The following GPBP1L1 variants were observed in gnomAD, a reference collection of about 807,000 sequenced individuals.
The protein encoded by GPBP1L1 is vasculin-like protein 1.
Under a neutral mutation model 52.5 loss-of-function variants are expected in GPBP1L1, and 23 were observed. The ratio of observed to expected loss-of-function variants is 0.44; its 90% CI spans 0.32 to 0.62. The LOEUF (loss-of-function observed/expected upper bound fraction) is 0.62. Ranked by LOEUF, GPBP1L1 falls within the 20% of genes least tolerant of loss-of-function variation. The pLI is 0.06. For synonymous variants in GPBP1L1, 243 were observed against 203.1 expected (o/e 1.20, Z -1.67); for missense variants, 596 against 579.3 (o/e 1.03, Z -0.30).
At chr1:45,683,042 T>C (rs1425792174) in intron 2 of GPBP1L1, among the ~76,000 whole-genome samples, 1 of 147,306 alleles carries the variant, frequency 6.8e-6, no homozygotes, top group African/African-American at 2.5e-5. Flanking sequence ...ACACCAAAAT[T>C]TGCCTTTCCC....
intron 11 of GPBP1L1, 59 bp downstream of exon 11, chr1:45,630,423 T>TA: frequency 4.4e-6 from 7 of 1,576,306 alleles, no homozygotes; most frequent in Non-Finnish European, 6.1e-6. Context: ...TCTTCTCCAG[T>TA]ATGTTCAAGG....
In GPBP1L1 at chr1:45,628,148, G is replaced by T; in HGVS notation, c.*108C>A. On this transcript the variant is annotated 3_prime_UTR_variant, in exon 13 of 13. Coordinates refer to ENST00000355105, the MANE Select transcript of GPBP1L1 (RefSeq NM_021639.5). ...TTTGGGATATGATTATTTCCCTTGT[G>T]AATGAAGTATTCAACAACATAAGAA... 1 of 1,043,490 alleles carries T rather than the reference G, an allele frequency of 9.6e-7. No individual in the cohort carries two copies. The highest frequency in any genetic ancestry group is 1.4e-6 in the Non-Finnish European group (1 of 705,436). 64.6% of individuals were successfully genotyped at this position (1,043,490 alleles called of 1,614,324 possible).
In GPBP1L1 at chr1:45,628,278, G is replaced by C; in HGVS notation, c.1403C>G (p.Ser468Ter). 1.2e-6 allele frequency: 2 copies of C among 1,614,078 alleles called. No homozygotes were observed. The highest frequency in any genetic ancestry group is 1.7e-6 in the Non-Finnish European group (2 of 1,180,010). ...SDTETSSSET[S>*]DDDAWK is the part of the protein sequence containing the mutation. ...TGCCTACTTCCAGGCATCGTCATCT[G>C]ATGTTTCACTGCTACTGGTTTCGGT... The change falls in exon 13 of 13, where the codon TCA becomes TGA. Residue 468 changes from serine (S) to a stop codon, truncating the protein, a stop_gained. Transcript: ENST00000355105. LOFTEE classifies it high-confidence loss of function.
At chr1:45,662,950 C>T (rs961185980) in intron 2 of GPBP1L1, among the ~76,000 whole-genome samples, 3 of 149,104 alleles carry the variant, frequency 2.0e-5, no homozygotes, top group Non-Finnish European at 4.4e-5. Context: ...ACTCAGGAGG[C>T]TGAGGCAAGA....
At chr1:45,652,539 T>C (rs915613089) in intron 6 of GPBP1L1, among the ~76,000 whole-genome samples, 4 of 152,202 alleles carry the variant, frequency 2.6e-5, no homozygotes, top group East Asian at 1.9e-4. Context: ...TCAAAACTAT[T>C]GGGGATTCAA....
At position 45,655,246 on chromosome 1, in the gene GPBP1L1, C is replaced by T. The variant is rs374783208; in HGVS notation, c.134G>A (p.Arg45His). ...AAAACCATCAGAGGAATTATGTCGA[C>T]GGCGGCTTACTCCAAATCTACCTTC... ...RGEGRFGVSR[R>H]RHNSSDGFFN... Residue 45 changes from arginine (R) to histidine (H), a missense_variant, in exon 5 of 13, where the codon CGT (arginine) becomes CAT (histidine). By Grantham distance (29) the Arg-to-His change is conservative. Transcript: ENST00000355105. 6.8e-6 allele frequency: 11 copies of T among 1,614,122 alleles called. No homozygotes were observed. The highest frequency in any genetic ancestry group is 5.5e-5 in the South Asian group (5 of 91,082).
At chr1:45,646,385 T>G (rs1205970312) in intron 6 of GPBP1L1, among the ~76,000 whole-genome samples, 3 of 152,214 alleles carry the variant, frequency 2.0e-5, no homozygotes. Flanking sequence ...TATCTGGTTT[T>G]CTTTCTCTTA....
Position 45,633,612 on chromosome 1 carries a change from G to A in GPBP1L1, c.921C>T (p.Ser307=). 6.2e-7 allele frequency: 1 copy of A among 1,613,906 alleles called. No homozygotes were observed. Among genetic ancestry groups the A allele is most frequent in the Non-Finnish European group, 8.5e-7 (1 of 1,179,976 alleles). The change falls in exon 10 of 13, where the codon AGC becomes AGT. Residue 307 remains serine, a synonymous_variant. Transcript: ENST00000355105. ...PSSTTPPIEI[S]SSRLTKLTRR... is the part of the protein sequence containing the mutation. ...GGGTCAACTTGGTCAGACGAGAGGA[G>A]CTGATCTCAATTGGAGGGGTGGTGC... is the stretch of plus-strand genomic sequence containing the variant.
Position 45,640,288 on chromosome 1 carries a change from T to C in GPBP1L1, c.666A>G (p.Ala222=), listed in dbSNP as rs1462863943. 2.5e-6 allele frequency: 4 copies of C among 1,614,196 alleles called. No homozygotes were observed. Among genetic ancestry groups the C allele is most frequent in the Non-Finnish European group, 3.4e-6 (4 of 1,180,016 alleles). ...AAFTSPGSHH[A]NGNKLSSVVP... is the part of the protein sequence containing the mutation. ...CCACGGATGACAATTTGTTCCCATTTGCATGGTGAGATCCTGGTGAGGTGA... is the reference window on the plus strand; with the variant it reads ...CCACGGATGACAATTTGTTCCCATTCGCATGGTGAGATCCTGGTGAGGTGA... Residue 222 remains alanine (A), a synonymous_variant, in exon 8 of 13, where the codon GCA becomes GCG. Transcript: ENST00000355105.
chr1:45,654,968 G>T, intron 5 of GPBP1L1, 139 bp from the exon 6 acceptor site: 2 of 1,023,906 alleles, frequency 2.0e-6, no homozygotes, highest in Non-Finnish European at 2.8e-6. Flanking sequence ...TTCTTTGTGA[G>T]GTAATTTCTG....
intron 10 of GPBP1L1, among the ~76,000 whole-genome samples, chr1:45,632,552 C>T (rs1241856167): frequency 6.6e-6 from 1 of 152,024 alleles, no homozygotes; most frequent in Non-Finnish European, 1.5e-5. Context: ...TCCATCTCTA[C>T]TAAGAATACA....
chr1:45,645,134 C>G (rs1267520470), intron 6 of GPBP1L1, among the ~76,000 whole-genome samples: 1 of 152,088 alleles, frequency 6.6e-6, no homozygotes, highest in African/African-American at 2.4e-5. Context: ...TCTTTGTTAT[C>G]TAGTTTGAAA....
chr1:45,651,821 C>A lies in GPBP1L1; in HGVS notation c.477+2722G>T, dbSNP rs374737606. ...TCTTCCCCTTGCCCTTCTTTCCTTT[C>A]GGCATCTTGGGTGGCGGGAGGAGAA... On this transcript the variant is annotated intron_variant, in intron 6 of 12. Transcript: ENST00000355105. 6 of 259,144 alleles carry A rather than the reference C, an allele frequency of 2.3e-5. No homozygotes were observed. In the East Asian group the frequency reaches 4.4e-4, roughly 19 times the overall value. The allele number at this position is 259,144 out of a possible 1,614,324, so 16.1% of individuals were successfully genotyped here.
intron 2 of GPBP1L1, among the ~76,000 whole-genome samples, chr1:45,661,864 A>G (rs1052504172): frequency 1.2e-4 from 19 of 152,130 alleles, no homozygotes; most frequent in Non-Finnish European, 2.2e-4. Flanking sequence ...GGTCTTTCAG[A>G]TATAGATTTT....
At chr1:45,671,472 C>T (rs895921991) in intron 2 of GPBP1L1, among the ~76,000 whole-genome samples, 6 of 152,162 alleles carry the variant, frequency 3.9e-5, no homozygotes, top group African/African-American at 1.4e-4. Flanking sequence ...TCCCAAAATG[C>T]TGGGATTACA....
At position 45,640,365 on chromosome 1, in the gene GPBP1L1, C is replaced by G. The variant is rs753442976; in HGVS notation, c.589G>C (p.Val197Leu). 1 of 1,614,132 alleles carries G rather than the reference C, an allele frequency of 6.2e-7. No individual in the cohort carries two copies. The highest frequency in any genetic ancestry group is 1.7e-5 in the Admixed American group (1 of 60,026). The change falls in exon 8 of 13, where the codon GTT becomes CTT. Residue 197 changes from valine (V) to leucine (L), a missense_variant. Val to Leu is a conservative substitution (Grantham distance 32, BLOSUM62 1). Coordinates refer to ENST00000355105, the MANE Select transcript of GPBP1L1 (RefSeq NM_021639.5). ...PSAKQPSKML[V>L]IKKVSKEDPA... ...TCCTCTTTGGAAACTTTTTTGATAA[C>G]TAGCATCTTGGAGGGTTGCTTGGCA...
intron 6 of GPBP1L1, among the ~76,000 whole-genome samples, chr1:45,645,051 A>T (rs1644725815): frequency 6.6e-6 from 1 of 152,160 alleles, no homozygotes. Context: ...AAACTGTCCC[A>T]TGTTTGGCCT....
Position 45,654,625 on chromosome 1 carries a change from A to G in GPBP1L1, c.395T>C (p.Phe132Ser), listed in dbSNP as rs1416630507. 1 of 1,614,182 alleles carries G rather than the reference A, an allele frequency of 6.2e-7. No individual in the cohort carries two copies. Among genetic ancestry groups the G allele is most frequent in the Non-Finnish European group, 8.5e-7 (1 of 1,180,022 alleles). Residue 132 changes from phenylalanine to serine, a missense_variant, in exon 6 of 13, where the codon TTT (phenylalanine) becomes TCT (serine). Transcript: ENST00000355105. ...GSFHSRKGCAFQEKPPMEIRE... is the reference protein window; with the variant it reads ...GSFHSRKGCASQEKPPMEIRE... Reference sequence around the variant, plus strand: ...AATCTCCATAGGTGGCTTTTCCTGAAAAGCACACCCTTTCCGGGAGTGGAA... The same window carrying G: ...AATCTCCATAGGTGGCTTTTCCTGAGAAGCACACCCTTTCCGGGAGTGGAA...
Position 45,660,927 on chromosome 1 carries a change from A to C in GPBP1L1, c.-799T>G, listed in dbSNP as rs1420339831. 6.6e-6 allele frequency: 1 copy of C among 152,238 alleles called. No homozygotes were observed. Among genetic ancestry groups the C allele is most frequent in the African/African-American group, 2.4e-5 (1 of 41,460 alleles). The allele number at this position is 152,238 out of a possible 1,614,324, so 9.4% of individuals were successfully genotyped here. A position where few individuals can be genotyped will look rare whatever the true frequency, so the allele number is the denominator to read the frequency against. ...CAAATTTCTTGGTATAAAGCTACTAAATGTATATTCTATGTCTTTGGCCTT... is the reference window on the plus strand; with the variant it reads ...CAAATTTCTTGGTATAAAGCTACTACATGTATATTCTATGTCTTTGGCCTT... On this transcript the variant is annotated 5_prime_UTR_variant, in exon 3 of 13. It adds an upstream start codon to the 5' untranslated region. Transcript: ENST00000355105.
Sources: gnomAD v4.1 joint callset for allele counts (sites outside exome capture counted in the v4.1 genomes callset) on GRCh38, gnomAD v4.1.1 for gene constraint, MANE v1.5 for transcripts, NCBI Gene and HGNC (gene_info 2026-07-23, HGNC 2026-07-21) for gene names.